EYS: variants seen among roughly 807,000 people sequenced by gnomAD.
The protein encoded by EYS is EGF-like photoreceptor maintenance factor, also known as protein eyes shut homolog.
EYS carries 250 observed loss-of-function variants against 282.1 expected under a neutral mutation model. The observed-to-expected ratio is 0.89, with a 90% confidence interval of 0.80 to 0.98. The LOEUF (loss-of-function observed/expected upper bound fraction) is 0.98, where lower values mean the gene tolerates loss of function less well. Among genes scored for constraint, EYS ranks in the 50% least tolerant of loss-of-function variants. The pLI, the probability that EYS is intolerant of heterozygous loss-of-function variation, is 0.00. For missense variants in EYS, 4,016 were observed against 3,709.0 expected, an observed-to-expected ratio of 1.08 and a Z score of -2.15; for synonymous variants, 1,355 against 1,282.9, an observed-to-expected ratio of 1.06 and a Z score of -1.20.
intron 35 of EYS, among the ~76,000 whole-genome samples, chr6:63,943,676 G>C (rs1231749697): frequency 6.6e-6 from 1 of 152,162 alleles, no homozygotes; most frequent in African/African-American, 2.4e-5. Flanking sequence ...AACTTGTACT[G>C]TTCCTATTTT....
At chr6:64,128,958 T>C (rs1351501925) in intron 31 of EYS, among the ~76,000 whole-genome samples, 1 of 152,190 alleles carries the variant, frequency 6.6e-6, no homozygotes, top group Non-Finnish European at 1.5e-5. Flanking sequence ...CATTTAAATT[T>C]GGCAGTGAAG....
chr6:65,679,735 A>G (rs1171429671), intron 1 of EYS, among the ~76,000 whole-genome samples: 1 of 151,980 alleles, frequency 6.6e-6, no homozygotes, highest in Non-Finnish European at 1.5e-5. Flanking sequence ...CCTTGTTATG[A>G]CAAATTAAAA....
chr6:64,686,882 T>TAC (rs1562134122), intron 22 of EYS, among the ~76,000 whole-genome samples: 1 of 98,982 alleles, frequency 1.0e-5, no homozygotes, highest in East Asian at 2.3e-4. Flanking sequence ...TATATATATA[T>TAC]ACACACACAT....
intron 12 of EYS, among the ~76,000 whole-genome samples, chr6:65,149,494 AC>A (rs1217697349): frequency 6.6e-6 from 1 of 152,020 alleles, no homozygotes; most frequent in Non-Finnish European, 1.5e-5. Flanking sequence ...GAAGTTCCAA[AC>A]TTTTCCACAA....
At chr6:65,438,692 T>C (rs938572303) in intron 5 of EYS, among the ~76,000 whole-genome samples, 169 of 152,316 alleles carry the variant, frequency 1.1e-3, no homozygotes, top group Non-Finnish European at 3.8e-4. Context: ...TTTGCCCACT[T>C]TTTGATGGGG....
chr6:65,700,114 C>CAAAAAAAAAAAAAA (rs1178482636), intron 1 of EYS, among the ~76,000 whole-genome samples: 23 of 51,792 alleles, frequency 4.4e-4, no homozygotes, highest in Admixed American at 6.6e-4. Context: ...GACTCCGTCT[C>CAAAAAAAAAAAAAA]AAAAAAAAAA....
At chr6:64,216,061 G>A (rs1375420884) in intron 31 of EYS, among the ~76,000 whole-genome samples, 1 of 152,168 alleles carries the variant, frequency 6.6e-6, no homozygotes, top group Admixed American at 6.5e-5. Context: ...GATGGCAGGA[G>A]GTTGAAGGAA....
Position 64,644,099 on chromosome 6 carries a change from C to G in EYS, c.3444-17854G>C, listed in dbSNP as rs1768270604. ...CCTGATTTTTCTTTTGAATTGTAGC[C>G]TAAGATACAGTGAAGGTTACCAGCT... On this transcript the variant is annotated intron_variant, in intron 22 of 42. Coordinates refer to ENST00000503581, the MANE Select transcript of EYS (RefSeq NM_001142800.2). 3.3e-5 allele frequency among the ~76,000 whole-genome samples: 5 copies of G among 152,090 alleles called. No individual in the cohort carries two copies. The South Asian group carries it at 1.0e-3, about 31-fold the overall frequency.
At chr6:64,866,466 C>T (rs532756557) in intron 19 of EYS, among the ~76,000 whole-genome samples, 144 of 151,834 alleles carry the variant, frequency 9.5e-4, no homozygotes, top group African/African-American at 3.2e-3. Context: ...CAATATAGGT[C>T]ACGCTTCCCT....
At chr6:63,805,342 C>T (rs1189792394) in intron 37 of EYS, among the ~76,000 whole-genome samples, 1 of 152,202 alleles carries the variant, frequency 6.6e-6, no homozygotes, top group African/African-American at 2.4e-5. Flanking sequence ...AATTCCAGGG[C>T]ACTAGAGTAC....
chr6:65,659,825 T>C (rs952736845), intron 1 of EYS, among the ~76,000 whole-genome samples: 3 of 151,772 alleles, frequency 2.0e-5, no homozygotes, highest in Non-Finnish European at 3.0e-5. Context: ...ATGAAGAGTA[T>C]ATTTTCTTTC....
chr6:65,530,877 T>C (rs1436769087), intron 2 of EYS, among the ~76,000 whole-genome samples: 1 of 152,156 alleles, frequency 6.6e-6, no homozygotes, highest in Non-Finnish European at 1.5e-5. Context: ...TGAAGTCCCA[T>C]ATTTTTCTCT....
chr6:63,758,670 G>A (rs1245104557), intron 41 of EYS, among the ~76,000 whole-genome samples: 1 of 151,936 alleles, frequency 6.6e-6, no homozygotes, highest in Non-Finnish European at 1.5e-5. Flanking sequence ...TAGAAGGCTC[G>A]CTTTTCTATT....
intron 35 of EYS, among the ~76,000 whole-genome samples, chr6:63,875,261 T>C (rs1326244911): frequency 6.6e-6 from 1 of 152,238 alleles, no homozygotes; most frequent in Non-Finnish European, 1.5e-5. Context: ...TCTGTTTATA[T>C]GATGGATTCC....
chr6:64,238,769 T>C (rs1766692706), intron 30 of EYS, among the ~76,000 whole-genome samples: 1 of 152,226 alleles, frequency 6.6e-6, no homozygotes, highest in Non-Finnish European at 1.5e-5. Flanking sequence ...TTTTAAATTA[T>C]ACTTTCAAGT....
intron 22 of EYS, among the ~76,000 whole-genome samples, chr6:64,660,414 G>A (rs1036747570): frequency 1.3e-5 from 2 of 151,814 alleles, no homozygotes; most frequent in African/African-American, 4.8e-5. Context: ...AGGAAATAAA[G>A]GGTATTCAAT....
intron 5 of EYS, among the ~76,000 whole-genome samples, chr6:65,478,142 T>C (rs1341833385): frequency 1.3e-5 from 2 of 152,130 alleles, no homozygotes; most frequent in Non-Finnish European, 2.9e-5. Context: ...AAGTGGATTT[T>C]TGCAGAAGTG....
intron 2 of EYS, among the ~76,000 whole-genome samples, chr6:65,568,622 A>G (rs1189920173): frequency 6.6e-6 from 1 of 152,206 alleles, no homozygotes. Context: ...TGACTTTTCA[A>G]TGACAAAATT....
intron 26 of EYS, among the ~76,000 whole-genome samples, chr6:64,546,343 G>A (rs1453628174): frequency 3.3e-5 from 5 of 151,354 alleles, no homozygotes; most frequent in South Asian, 2.1e-4. Context: ...AACTGGATCC[G>A]TTCCTTACAC....
Sources: allele counts gnomAD v4.1 joint callset (sites outside exome capture counted in the v4.1 genomes callset), GRCh38; gene constraint gnomAD v4.1.1; transcripts MANE v1.5; gene names NCBI Gene and HGNC (gene_info 2026-07-23, HGNC 2026-07-21).